CD6: variants seen among roughly 807,000 people sequenced by gnomAD.
CD6 encodes the protein CD6 molecule.
In CD6, 53 loss-of-function variants were observed where a neutral mutation model predicts 75.3. The observed-to-expected ratio is 0.70, with a 90% CI of 0.56 to 0.88. CD6 has a LOEUF of 0.88. Ranked by LOEUF, CD6 falls within the 40% of genes least tolerant of loss-of-function variation. CD6 has a pLI of 0.00. For missense variants in CD6, 770 were observed against 897.1 expected (o/e 0.86, Z 1.81); for synonymous variants, 359 against 381.5 (o/e 0.94, Z 0.69).
At chr11:61,012,307 T>A (rs563029303) in intron 6 of CD6, among the ~76,000 whole-genome samples, 1 of 152,092 alleles carries the variant, frequency 6.6e-6, no homozygotes, top group Non-Finnish European at 1.5e-5. Flanking sequence ...CAAAGAGAGA[T>A]CCAGGGACCA....
Position 61,017,803 on chromosome 11 carries a change from G to T in CD6, c.1627G>T (p.Gly543Ter), listed in dbSNP as rs759187282. 29 of 1,613,962 alleles carry T rather than the reference G, an allele frequency of 1.8e-5. No homozygotes were observed. Among genetic ancestry groups the T allele is most frequent in the Admixed American group, 6.7e-5 (4 of 59,992 alleles). Reference sequence around the variant, plus strand: ...CTCCCACATCCCAACTGCCAACCCTGGACACTGCATTACAGACCCGCCATC... The same window carrying T: ...CTCCCACATCCCAACTGCCAACCCTTGACACTGCATTACAGACCCGCCATC... ...HASHIPTANP[G>*]HCITDPPSLG... Residue 543 changes from glycine to a stop codon, truncating the protein, a stop_gained, in exon 11 of 13, where the codon GGA (glycine) becomes TGA (stop). Coordinates refer to ENST00000313421, the MANE Select transcript of CD6 (RefSeq NM_006725.5). LOFTEE classifies it high-confidence loss of function.
chr11:61,019,377 A>C lies in CD6; in HGVS notation c.*59A>C. 3 of 1,354,576 alleles carry C rather than the reference A, an allele frequency of 2.2e-6. No individual in the cohort carries two copies. The highest frequency in any genetic ancestry group is 3.1e-6 in the Non-Finnish European group (3 of 973,220). The allele number at this position is 1,354,576 out of a possible 1,614,324, so 83.9% of individuals were successfully genotyped here. On this transcript the variant is annotated 3_prime_UTR_variant, in exon 13 of 13. Coordinates refer to ENST00000313421, the MANE Select transcript of CD6 (RefSeq NM_006725.5). ...GACCCTCTGGCCTCCTGCTCTACCTACTCCCTTTCCCCTTTCCCACCCTCC... is the reference window on the plus strand; with the variant it reads ...GACCCTCTGGCCTCCTGCTCTACCTCCTCCCTTTCCCCTTTCCCACCCTCC...
At chr11:60,978,652 G>C (rs1319971870) in intron 1 of CD6, among the ~76,000 whole-genome samples, 6 of 152,166 alleles carry the variant, frequency 3.9e-5, no homozygotes, top group African/African-American at 1.4e-4. Flanking sequence ...CAGGGCATCT[G>C]GCTGTACGCA....
intron 1 of CD6, among the ~76,000 whole-genome samples, chr11:60,999,611 C>T (rs937004641): frequency 3.3e-5 from 5 of 152,032 alleles, no homozygotes; most frequent in African/African-American, 1.2e-4. Context: ...TAAATACTCC[C>T]TGTAAATTTT....
At chr11:60,996,526 G>A (rs916096182) in intron 1 of CD6, among the ~76,000 whole-genome samples, 3 of 152,264 alleles carry the variant, frequency 2.0e-5, no homozygotes, top group Non-Finnish European at 4.4e-5. Flanking sequence ...AATACCTGGA[G>A]TCTGAGCCAG....
Position 61,018,295 on chromosome 11 carries a change from C to T in CD6, c.1844C>T (p.Pro615Leu), listed in dbSNP as rs1304072187. Reference protein sequence around the residue: ...AGTQPAFSAGPPADDSSSTSS... With the variant: ...AGTQPAFSAGLPADDSSSTSS... ...TGGTTCTGGGGGTTTCCAGCAGGGC[C>T]CCCGGCTGATGACAGCTCCAGCACC... is the stretch of plus-strand genomic sequence containing the variant. The change falls in exon 12 of 13, where the codon CCC (proline) becomes CTC (leucine). Residue 615 changes from proline (P) to leucine (L), a missense_variant. Pro to Leu is a moderately conservative substitution (Grantham distance 98, BLOSUM62 -3). Transcript: ENST00000313421. 6.3e-7 allele frequency: 1 copy of T among 1,599,140 alleles called. No individual in the cohort carries two copies. Among genetic ancestry groups the T allele is most frequent in the African/African-American group, 1.3e-5 (1 of 74,582 alleles).
intron 1 of CD6, among the ~76,000 whole-genome samples, chr11:61,003,334 CT>C (rs1810409889): frequency 6.6e-6 from 1 of 152,178 alleles, no homozygotes; most frequent in African/African-American, 2.4e-5. Flanking sequence ...ACACATGAAC[CT>C]TGGAACACAT....
At chr11:60,995,212 T>G (rs1363611896) in intron 1 of CD6, among the ~76,000 whole-genome samples, 1 of 151,602 alleles carries the variant, frequency 6.6e-6, no homozygotes, top group Non-Finnish European at 1.5e-5. Flanking sequence ...TGCTGCAATC[T>G]CAGCACACTG....
At chr11:61,005,317 C>G (rs1276719808) in intron 1 of CD6, among the ~76,000 whole-genome samples, 2 of 152,200 alleles carry the variant, frequency 1.3e-5, no homozygotes, top group African/African-American at 4.8e-5. Flanking sequence ...CTTGAATAAG[C>G]AATGTCCTTC....
rs574136441 is a variant in CD6, at chr11:61,018,214, G to A, written c.1838-75G>A. ...TAGGGACTTGGCTCTCGTGAGTCAC[G>A]TGGGCCCCCCAGCTCTGGCAACTTG... is the stretch of plus-strand genomic sequence containing the variant. On this transcript the variant is annotated intron_variant, in intron 11 of 12. Coordinates refer to ENST00000313421, the MANE Select transcript of CD6 (RefSeq NM_006725.5). The A allele has an allele frequency of 8.7e-5, 120 of 1,372,750 alleles. No homozygotes were observed. The East Asian group carries it at 2.4e-3, about 28-fold the overall frequency. The allele number at this position is 1,372,750 out of a possible 1,614,324, so 85.0% of individuals were successfully genotyped here.
intron 6 of CD6, among the ~76,000 whole-genome samples, chr11:61,011,647 C>T (rs1219489884): frequency 1.3e-5 from 2 of 152,214 alleles, no homozygotes; most frequent in African/African-American, 4.8e-5. Flanking sequence ...AAGAAAGGAG[C>T]TGAGGCTCCG....
chr11:60,979,680 C>A (rs1289441852), intron 1 of CD6, among the ~76,000 whole-genome samples: 1 of 152,066 alleles, frequency 6.6e-6, no homozygotes, highest in Non-Finnish European at 1.5e-5. Flanking sequence ...TTTGGCAAGG[C>A]TGGTCTTGAA....
At chr11:61,018,766 T>C (rs991289249) in intron 12 of CD6, 6 of 293,334 alleles carry the variant, frequency 2.0e-5, no homozygotes, top group Admixed American at 4.5e-5. Context: ...TGCAGTGAGC[T>C]ATGATCGTAT....
intron 9 of CD6, chr11:61,017,265 A>ATCT: frequency 1.7e-6 from 1 of 577,096 alleles, no homozygotes; most frequent in Admixed American, 3.0e-5. Flanking sequence ...AGGGCACTAG[A>ATCT]GTTTCTGTCC....
chr11:60,971,759 TAG>T lies in CD6; in HGVS notation c.-104_-103del. ...ACACAGGAACAAGAACAGCAAAGGG[TAG>T]AGCAGACCTGCGCCAGGGGCGCACA... On this transcript the variant is annotated 5_prime_UTR_variant, in exon 1 of 13. Transcript: ENST00000313421. 9.4e-7 allele frequency: 1 copy of T among 1,068,434 alleles called. No individual in the cohort carries two copies. The highest frequency in any genetic ancestry group is 1.4e-6 in the Non-Finnish European group (1 of 710,514). 66.2% of individuals were successfully genotyped at this position (1,068,434 alleles called of 1,614,324 possible).
At chr11:60,987,384 T>C (rs1312466328) in intron 1 of CD6, among the ~76,000 whole-genome samples, 1 of 152,246 alleles carries the variant, frequency 6.6e-6, no homozygotes, top group Non-Finnish European at 1.5e-5. Flanking sequence ...AATTGGGGCC[T>C]GCCCTGATGG....
At chr11:61,016,439 C>A (rs531053153) in intron 9 of CD6, among the ~76,000 whole-genome samples, 2 of 152,332 alleles carry the variant, frequency 1.3e-5, no homozygotes, top group East Asian at 1.9e-4. Context: ...TGAGCCCCTC[C>A]CCACACCTAA....
rs1859056562 is a variant in CD6, at chr11:61,009,742, C to T, written c.952C>T (p.Leu318=). Residue 318 remains leucine, a synonymous_variant, in exon 5 of 13, where the codon CTG becomes TTG. Transcript: ENST00000313421. ...AACTGCGGTTGAGAGGCCCAAGGGG[C>T]TGCCCCACTCCTTGTCCGGCAGGAT... ...CGTAVERPKG[L]PHSLSGRMYY... is the part of the protein sequence containing the mutation. The T allele has an allele frequency of 6.2e-7, 1 of 1,613,934 alleles. No homozygotes were observed. The highest frequency in any genetic ancestry group is 1.7e-5 in the Admixed American group (1 of 60,006).
chr11:60,992,843 AT>A (rs1858124917), intron 1 of CD6, among the ~76,000 whole-genome samples: 1 of 151,934 alleles, frequency 6.6e-6, no homozygotes, highest in Non-Finnish European at 1.5e-5. Context: ...ATAAAAAAAA[AT>A]AAAAAAATTA....
Sources: gnomAD v4.1 joint callset for allele counts (sites outside exome capture counted in the v4.1 genomes callset) on GRCh38, gnomAD v4.1.1 for gene constraint, MANE v1.5 for transcripts, NCBI Gene and HGNC (gene_info 2026-07-23, HGNC 2026-07-21) for gene names.